RFC2: variants seen among roughly 807,000 people sequenced by gnomAD.
RFC2 encodes A1 40 kDa subunit.
A neutral mutation model predicts 44.8 loss-of-function variants in RFC2; 34 were observed. The observed-to-expected ratio is 0.76, with a 90% CI of 0.58 to 1.01. The LOEUF is 1.01. Ranked by LOEUF, RFC2 falls within the 50% of genes least tolerant of loss-of-function variation. The probability of loss-of-function intolerance (pLI) is 0.00; values close to 1 mark genes in which losing one functional copy is unlikely to be tolerated. For missense variants in RFC2, 400 were observed against 453.6 expected (o/e 0.88, Z 1.07); for synonymous variants, 177 against 168.9 (o/e 1.05, Z -0.37).
At chr7:74,252,743 T>C (rs953274076) in intron 1 of RFC2, among the ~76,000 whole-genome samples, 1 of 152,114 alleles carries the variant, frequency 6.6e-6, no homozygotes, top group Non-Finnish European at 1.5e-5. Flanking sequence ...GAGCCCAGTC[T>C]GGCCAACATG....
rs1554719131 is a variant in RFC2, at chr7:74,240,521, A to AG, written c.536-427_536-426insC. Among the ~76,000 whole-genome samples, 370 of 146,870 alleles carry AG rather than the reference A, an allele frequency of 2.5e-3. 1 individual carries two copies. The highest frequency in any genetic ancestry group is 8.4e-3 in the African/African-American group (329 of 39,384). ...TGTCTCCAAAAAAAAAAAAAAAAAA[A>AG]AGAGAGAGAGAGAGACTTGGTAAAC... On this transcript the variant is annotated intron_variant, in intron 6 of 10. Transcript: ENST00000055077.
At chr7:74,246,624 G>A (rs1245568347) in intron 5 of RFC2, 38 bp downstream of exon 5, 2 of 1,335,564 alleles carry the variant, frequency 1.5e-6, no homozygotes, top group Non-Finnish European at 2.1e-6. Context: ...AAGAGATTTA[G>A]AGATCAAGGT....
At position 74,242,186 on chromosome 7, in the gene RFC2, G is replaced by C. The variant is rs528570815; in HGVS notation, c.535+960C>G. Among the ~76,000 whole-genome samples, 3 of 152,306 alleles carry C rather than the reference G, an allele frequency of 2.0e-5. No individual in the cohort carries two copies. The East Asian group carries it at 5.8e-4, about 29-fold the overall frequency. ...AGATACTGCCTATACCAAGTACTCA[G>C]AGCACATGAATAGCACAAGAAGGTA... On this transcript the variant is annotated intron_variant, in intron 6 of 10. Coordinates refer to ENST00000055077, the MANE Select transcript of RFC2 (RefSeq NM_181471.3).
chr7:74,239,067 T>TATTTCTTTTTGA lies in RFC2; in HGVS notation c.694-80_694-79insTCAAAAAGAAAT, dbSNP rs1554718835. On this transcript the variant is annotated intron_variant, in intron 7 of 10. Coordinates refer to ENST00000055077, the MANE Select transcript of RFC2 (RefSeq NM_181471.3). ...AGTAGAGACAGGAGTCTCGCTATGT[T>TATTTCTTTTTGA]GCCCAGGCTGGTCTCGAACTCCTGG... 1,275 of 1,183,056 alleles carry TATTTCTTTTTGA rather than the reference T, an allele frequency of 1.1e-3. 4 individuals are homozygous for TATTTCTTTTTGA. Among genetic ancestry groups the TATTTCTTTTTGA allele is most frequent in the Non-Finnish European group, 1.5e-3 (1,177 of 810,836 alleles). The allele number at this position is 1,183,056 out of a possible 1,614,324, so 73.3% of individuals were successfully genotyped here.
chr7:74,251,864 G>A (rs565493890), intron 2 of RFC2, among the ~76,000 whole-genome samples: 2,248 of 146,028 alleles, frequency 0.015, 37 homozygotes, highest in Middle Eastern at 0.035. Context: ...TTGGGAGGCC[G>A]AGGTGGGCAG....
chr7:74,246,820 C>A, intron 4 of RFC2, 57 bp from the exon 5 acceptor site: 1 of 1,216,824 alleles, frequency 8.2e-7, no homozygotes, highest in Non-Finnish European at 1.2e-6. Flanking sequence ...GTTGCCTTCA[C>A]AAGGACTTTT....
At chr7:74,243,411 TCTCA>T (rs1450845779) in intron 5 of RFC2, among the ~76,000 whole-genome samples, 165 bp from the exon 6 acceptor site, 2 of 151,972 alleles carry the variant, frequency 1.3e-5, no homozygotes, top group Non-Finnish European at 2.9e-5. Context: ...CAGGCCGCTC[TCTCA>T]AAGACTGTGC....
At chr7:74,239,896 A>G (rs1803228546) in intron 7 of RFC2, 42 bp downstream of exon 7, 2 of 1,535,494 alleles carry the variant, frequency 1.3e-6, no homozygotes, top group Non-Finnish European at 1.8e-6. Flanking sequence ...GGGGCATGGC[A>G]GGCACAGGAT....
rs1554718691 is a variant in RFC2, at chr7:74,238,518, T to C, written c.759+405A>G. 1.3e-5 allele frequency among the ~76,000 whole-genome samples: 2 copies of C among 151,988 alleles called. No homozygotes were observed. The highest frequency in any genetic ancestry group is 4.8e-5 in the African/African-American group (2 of 41,382). Reference sequence around the variant, plus strand: ...CAGAAAAAACCCAGGGTGTGGGGTCTGAAGGCTACTGGGGAACAGCACAGT... The same window carrying C: ...CAGAAAAAACCCAGGGTGTGGGGTCCGAAGGCTACTGGGGAACAGCACAGT... On this transcript the variant is annotated intron_variant, in intron 8 of 10. Coordinates refer to ENST00000055077, the MANE Select transcript of RFC2 (RefSeq NM_181471.3). The surrounding 1 kb of genome is among the most constrained non-coding windows in gnomAD (Gnocchi z 4.0).
In RFC2 at chr7:74,232,076, AC is replaced by A; in HGVS notation, c.*29del. 1 of 1,315,858 alleles carries A rather than the reference AC, an allele frequency of 7.6e-7. No individual in the cohort carries two copies. Among genetic ancestry groups the A allele is most frequent in the African/African-American group, 1.4e-5 (1 of 69,022 alleles). The allele number at this position is 1,315,858 out of a possible 1,614,324, so 81.5% of individuals were successfully genotyped here. A position where few individuals can be genotyped will look rare whatever the true frequency, so the allele number is the denominator to read the frequency against. Reference sequence around the variant, plus strand: ...CGGCTCCTGTACCTCAGAATAGGGCACCTGTAAGTCAGTCAGTGAAGTCTCT... The same window carrying A: ...CGGCTCCTGTACCTCAGAATAGGGCACTGTAAGTCAGTCAGTGAAGTCTCT... On this transcript the variant is annotated 3_prime_UTR_variant, in exon 11 of 11. Coordinates refer to ENST00000055077, the MANE Select transcript of RFC2 (RefSeq NM_181471.3).
rs114891438 is a variant in RFC2, at chr7:74,234,473, T to C, written c.954+1059A>G. ...AATTAATCTAACCTTGAAAAATCAATCAATCAGTCAATACACAAGAGAGCC... is the reference window on the plus strand; with the variant it reads ...AATTAATCTAACCTTGAAAAATCAACCAATCAGTCAATACACAAGAGAGCC... On this transcript the variant is annotated intron_variant, in intron 10 of 10. Transcript: ENST00000055077. 6.4e-3 allele frequency among the ~76,000 whole-genome samples: 969 copies of C among 152,092 alleles called. 7 individuals carry two copies. Among genetic ancestry groups the C allele is most frequent in the African/African-American group, 0.022 (892 of 41,488 alleles).
chr7:74,251,808 A>C (rs1554721099), intron 2 of RFC2, among the ~76,000 whole-genome samples: 1 of 126,964 alleles, frequency 7.9e-6, no homozygotes, highest in East Asian at 2.4e-4. Flanking sequence ...AAAAAAAAAA[A>C]AAAAAAAGGC....
At chr7:74,248,412 T>C (rs1554720458) in intron 4 of RFC2, among the ~76,000 whole-genome samples, 1 of 152,032 alleles carries the variant, frequency 6.6e-6, no homozygotes, top group African/African-American at 2.4e-5. Flanking sequence ...GGAGGATTGC[T>C]TGAGGCTAAG....
At chr7:74,251,235 C>T (rs148213670) in intron 2 of RFC2, among the ~76,000 whole-genome samples, 2 of 152,244 alleles carry the variant, frequency 1.3e-5, no homozygotes, top group African/African-American at 2.4e-5. Context: ...ACTGCAGCGT[C>T]AAACTCCTGG....
In RFC2 at chr7:74,249,044, A is replaced by C; in HGVS notation, c.300T>G (p.Asp100Glu). 1.2e-6 allele frequency: 2 copies of C among 1,614,006 alleles called. No individual in the cohort carries two copies. Among genetic ancestry groups the C allele is most frequent in the South Asian group, 2.2e-5 (2 of 91,074 alleles). ...ARALLGPALK[D>E]AMLELNASND... ...TTGAAGCATTGAGTTCCAACATGGCATCTTTGAGTGCTGGGCCCAGCAGGG... is the reference window on the plus strand; with the variant it reads ...TTGAAGCATTGAGTTCCAACATGGCCTCTTTGAGTGCTGGGCCCAGCAGGG... The change falls in exon 4 of 11, where the codon GAT (aspartate) becomes GAG (glutamate). Residue 100 changes from aspartate (D) to glutamate (E), a missense_variant. By Grantham distance (45) the Asp-to-Glu change is conservative. Transcript: ENST00000055077.
intron 3 of RFC2, 62 bp from the exon 4 acceptor site, chr7:74,249,180 G>A: frequency 2.5e-6 from 4 of 1,609,688 alleles, no homozygotes; most frequent in Middle Eastern, 1.6e-4. Flanking sequence ...TAGCTCTTGA[G>A]TTATGTTCAC....
intron 10 of RFC2, chr7:74,233,749 A>G: frequency 2.2e-6 from 1 of 448,952 alleles, no homozygotes; most frequent in South Asian, 1.6e-5. Flanking sequence ...TACAGGTGTA[A>G]GCCACTGCAT....
chr7:74,246,875 T>G, intron 4 of RFC2, 112 bp from the exon 5 acceptor site: 1 of 554,928 alleles, frequency 1.8e-6, no homozygotes, highest in Non-Finnish European at 3.2e-6. Flanking sequence ...TTTCCATTTT[T>G]GAGTTTTTTT....
intron 3 of RFC2, chr7:74,249,370 G>A (rs945537846): frequency 1.8e-5 from 10 of 557,434 alleles, no homozygotes; most frequent in African/African-American, 5.7e-5. Context: ...GCGAAACCCC[G>A]TCTCTACTAA....
Sources: gnomAD v4.1 joint callset for allele counts (sites outside exome capture counted in the v4.1 genomes callset) on GRCh38, gnomAD v4.1.1 for gene constraint, Gnocchi (gnomAD v3.1) non-coding constraint, MANE v1.5 for transcripts, NCBI Gene and HGNC (gene_info 2026-07-23, HGNC 2026-07-21) for gene names.